CDK8: variants seen among roughly 807,000 people sequenced by gnomAD.
CDK8 encodes the protein cyclin dependent kinase 8.
In CDK8, 29 loss-of-function variants were observed where a neutral mutation model predicts 71.5. The ratio of observed to expected loss-of-function variants is 0.41; its 90% CI spans 0.30 to 0.55. The LOEUF (loss-of-function observed/expected upper bound fraction) is 0.55. CDK8 is among the 20% of genes least tolerant of loss of function. The pLI is 0.37. For missense variants in CDK8, 288 were observed against 572.6 expected, an observed-to-expected ratio of 0.50 and a Z score of 5.07; for synonymous variants, 161 against 192.1, an observed-to-expected ratio of 0.84 and a Z score of 1.34.
chr13:26,307,070 C>T (rs1196343541), intron 1 of CDK8, among the ~76,000 whole-genome samples: 2 of 152,124 alleles, frequency 1.3e-5, no homozygotes, highest in Admixed American at 6.5e-5. Flanking sequence ...ATAATGAGCA[C>T]CTTTATCCTC....
intron 2 of CDK8, among the ~76,000 whole-genome samples, chr13:26,340,101 C>A (rs892759732): frequency 1.3e-5 from 2 of 151,978 alleles, no homozygotes; most frequent in Non-Finnish European, 2.9e-5. Flanking sequence ...TCTAAGAATT[C>A]TTTTCATAAA....
At chr13:26,372,005 AGGTTAC>A (rs1874715440) in intron 4 of CDK8, among the ~76,000 whole-genome samples, 1 of 152,334 alleles carries the variant, frequency 6.6e-6, no homozygotes, top group East Asian at 1.9e-4. Context: ...GTAATTTAAT[AGGTTAC>A]GTGGCATTTA....
chr13:26,301,149 C>T (rs1375594015), intron 1 of CDK8, among the ~76,000 whole-genome samples: 1 of 148,772 alleles, frequency 6.7e-6, no homozygotes, highest in Non-Finnish European at 1.5e-5. Flanking sequence ...ATGTTTGCTT[C>T]GGGTTAGTCA....
At chr13:26,372,234 CAG>C (rs1317694147) in intron 4 of CDK8, among the ~76,000 whole-genome samples, 1 of 152,100 alleles carries the variant, frequency 6.6e-6, no homozygotes, top group African/African-American at 2.4e-5. Context: ...CTATTTAATA[CAG>C]AGTTTGAAAG....
Position 26,254,781 on chromosome 13 carries a change from T to C in CDK8, c.128+12T>C. ...AAGAGGAAAGATGGGTGAGTGTGTG[T>C]GTCTGGGCCGGTGTCCGCGCTGGGC... On this transcript the variant is annotated intron_variant, in intron 1 of 12. Transcript: ENST00000381527. This position sits in a 1 kb window ranked among gnomAD's most constrained non-coding sequence, Gnocchi z 6.7. 6.2e-7 allele frequency: 1 copy of C among 1,610,678 alleles called. No homozygotes were observed. Among genetic ancestry groups the C allele is most frequent in the Non-Finnish European group, 8.5e-7 (1 of 1,178,166 alleles).
At chr13:26,372,597 G>T (rs1265909121) in intron 4 of CDK8, among the ~76,000 whole-genome samples, 5 of 152,092 alleles carry the variant, frequency 3.3e-5, no homozygotes, top group African/African-American at 1.2e-4. Flanking sequence ...CCTATTAAAT[G>T]GTAGTGCTCA....
intron 1 of CDK8, among the ~76,000 whole-genome samples, chr13:26,255,484 T>G (rs569063507): frequency 1.4e-4 from 22 of 152,212 alleles, no homozygotes; most frequent in Admixed American, 3.9e-4. Flanking sequence ...ATCCCTTTGC[T>G]TTAAATATTC....
chr13:26,287,074 A>G (rs1221336226), intron 1 of CDK8, among the ~76,000 whole-genome samples: 1 of 152,152 alleles, frequency 6.6e-6, no homozygotes, highest in Non-Finnish European at 1.5e-5. Flanking sequence ...CCACTATGGA[A>G]AACAGTATGG....
At chr13:26,304,546 T>A (rs1034341492) in intron 1 of CDK8, among the ~76,000 whole-genome samples, 6 of 152,076 alleles carry the variant, frequency 3.9e-5, no homozygotes, top group Admixed American at 1.3e-4. Context: ...GCATTTTTTT[T>A]AAACTTACCT....
intron 4 of CDK8, among the ~76,000 whole-genome samples, chr13:26,363,283 G>T (rs1383540443): frequency 8.8e-6 from 1 of 113,782 alleles, no homozygotes; most frequent in Non-Finnish European, 1.6e-5. Flanking sequence ...AGCCGAGATC[G>T]CACCACTGCA....
intron 5 of CDK8, among the ~76,000 whole-genome samples, chr13:26,383,328 G>A (rs1875321602): frequency 6.6e-6 from 1 of 152,198 alleles, no homozygotes; most frequent in Non-Finnish European, 1.5e-5. Flanking sequence ...AGGCTGGATA[G>A]ATACAGAACC....
chr13:26,388,399 A>G (rs1359504782), intron 6 of CDK8, among the ~76,000 whole-genome samples: 1 of 152,208 alleles, frequency 6.6e-6, no homozygotes, highest in Non-Finnish European at 1.5e-5. Flanking sequence ...CTTCTTTGCA[A>G]GTGTACTCTA....
At chr13:26,373,488 A>T (rs1479692991) in intron 4 of CDK8, among the ~76,000 whole-genome samples, 7 of 152,114 alleles carry the variant, frequency 4.6e-5, no homozygotes, top group African/African-American at 1.7e-4. Flanking sequence ...CTTTTAACAA[A>T]TTTTCTTAAA....
intron 3 of CDK8, among the ~76,000 whole-genome samples, chr13:26,349,473 C>G (rs1042619868): frequency 6.6e-6 from 1 of 151,918 alleles, no homozygotes; most frequent in African/African-American, 2.4e-5. Flanking sequence ...TAAAAAGTAA[C>G]TAATATATAT....
chr13:26,295,872 G>C (rs77615275), intron 1 of CDK8, among the ~76,000 whole-genome samples: 380 of 152,298 alleles, frequency 2.5e-3, no homozygotes, highest in Non-Finnish European at 4.5e-3. Context: ...GTGGGGAGAA[G>C]ATGGAGATGA....
intron 4 of CDK8, among the ~76,000 whole-genome samples, chr13:26,374,926 G>C (rs991859916): frequency 2.0e-5 from 3 of 152,020 alleles, no homozygotes; most frequent in African/African-American, 7.2e-5. Flanking sequence ...AGGAATTTTT[G>C]ATAGATGCAT....
At chr13:26,274,205 A>G (rs1180010518) in intron 1 of CDK8, among the ~76,000 whole-genome samples, 1 of 149,334 alleles carries the variant, frequency 6.7e-6, no homozygotes, top group Non-Finnish European at 1.5e-5. Flanking sequence ...GTTTGAACTA[A>G]TTTGTAATGT....
chr13:26,294,028 T>C (rs1873427207), intron 1 of CDK8, among the ~76,000 whole-genome samples: 2 of 152,244 alleles, frequency 1.3e-5, no homozygotes, highest in African/African-American at 2.4e-5. Context: ...GGTATTTATC[T>C]TTCTGGCTTA....
intron 2 of CDK8, among the ~76,000 whole-genome samples, chr13:26,348,321 C>T (rs1873544843): frequency 6.6e-6 from 1 of 152,056 alleles, no homozygotes. Context: ...GCGTCAGCAC[C>T]GGTACGTTAG....
Sources: allele counts gnomAD v4.1 joint callset (sites outside exome capture counted in the v4.1 genomes callset), GRCh38; gene constraint gnomAD v4.1.1; non-coding constraint Gnocchi (gnomAD v3.1); transcripts MANE v1.5; gene names NCBI Gene and HGNC (gene_info 2026-07-23, HGNC 2026-07-21).